SPATA18: variants seen among roughly 807,000 people sequenced by gnomAD.
The protein encoded by SPATA18 is spermatogenesis associated 18, also known as mitochondria-eating protein.
In SPATA18, 54 loss-of-function variants were observed where a neutral mutation model predicts 68.1. That is an observed-to-expected ratio of 0.79 (90% CI 0.64 to 0.99). The LOEUF is 0.99. Among genes scored for constraint, SPATA18 ranks in the 50% least tolerant of loss-of-function variants. The pLI is 0.00. For missense variants in SPATA18, 724 were observed against 681.1 expected, an observed-to-expected ratio of 1.06 and a Z score of -0.70; for synonymous variants, 242 against 244.8, an observed-to-expected ratio of 0.99 and a Z score of 0.11.
intron 10 of SPATA18, chr4:52,082,873 C>T (rs753323356): frequency 2.8e-4 from 280 of 985,184 alleles, no homozygotes; most frequent in Non-Finnish European, 3.1e-4. Context: ...TCTCAGGAAA[C>T]GATTTGCCAA....
At chr4:52,092,678 T>C (rs1184621567) in intron 11 of SPATA18, among the ~76,000 whole-genome samples, 1 of 152,206 alleles carries the variant, frequency 6.6e-6, no homozygotes, top group Non-Finnish European at 1.5e-5. Flanking sequence ...TACTCCCCCT[T>C]ACGGACTTTA....
intron 10 of SPATA18, among the ~76,000 whole-genome samples, chr4:52,084,451 T>A (rs1007167803): frequency 6.6e-6 from 1 of 152,210 alleles, no homozygotes; most frequent in African/African-American, 2.4e-5. Flanking sequence ...TTCATTTAGT[T>A]AGAAAGCAGA....
rs1238233204 is a variant in SPATA18 at position 52,069,837 on chromosome 4, A to G, written c.439A>G (p.Lys147Glu). ...QVQDDLVETE[K>E]NLEESKNRSA... Reference sequence around the variant, plus strand: ...ATCTTACAGTCTGGTTGAAACTGAAAAGAATCTTGAAGAAAGCAAGAACAG... The same window carrying G: ...ATCTTACAGTCTGGTTGAAACTGAAGAGAATCTTGAAGAAAGCAAGAACAG... The change falls in exon 5 of 13, where the codon AAG becomes GAG. Residue 147 changes from lysine (K) to glutamate (E), a missense_variant. Coordinates refer to ENST00000295213, the MANE Select transcript of SPATA18 (RefSeq NM_145263.4). 6.3e-7 allele frequency: 1 copy of G among 1,585,406 alleles called. No homozygotes were observed. Among genetic ancestry groups the G allele is most frequent in the South Asian group, 1.2e-5 (1 of 86,514 alleles).
chr4:52,092,691 G>T (rs773024858), intron 11 of SPATA18, among the ~76,000 whole-genome samples: 1 of 152,178 alleles, frequency 6.6e-6, no homozygotes, highest in Non-Finnish European at 1.5e-5. Flanking sequence ...GGACTTTAAT[G>T]AGCATCTATT....
At chr4:52,063,794 T>C (rs1739088801) in intron 4 of SPATA18, among the ~76,000 whole-genome samples, 1 of 152,176 alleles carries the variant, frequency 6.6e-6, no homozygotes, top group African/African-American at 2.4e-5. Flanking sequence ...TAATTTCATG[T>C]AGGCACTAGT....
intron 4 of SPATA18, among the ~76,000 whole-genome samples, chr4:52,065,360 C>A (rs1189694590): frequency 2.0e-5 from 3 of 152,050 alleles, no homozygotes; most frequent in African/African-American, 4.8e-5. Context: ...GGCATGAATT[C>A]TTTGCCTAAA....
intron 11 of SPATA18, among the ~76,000 whole-genome samples, chr4:52,091,239 C>T (rs1741918556): frequency 6.6e-6 from 1 of 152,006 alleles, no homozygotes; most frequent in South Asian, 2.1e-4. Flanking sequence ...GAACATACTC[C>T]TTTAGCTTGG....
At chr4:52,055,323 C>T (rs1738245802) in intron 1 of SPATA18, among the ~76,000 whole-genome samples, 1 of 152,206 alleles carries the variant, frequency 6.6e-6, no homozygotes, top group Non-Finnish European at 1.5e-5. Context: ...TTCATGCCCA[C>T]TTCCAATCCA....
intron 10 of SPATA18, among the ~76,000 whole-genome samples, chr4:52,084,182 T>C (rs1007484030): frequency 5.9e-5 from 9 of 152,182 alleles, no homozygotes; most frequent in Middle Eastern, 3.2e-3. Context: ...GAAGATCTTA[T>C]CTGTTGCGCA....
chr4:52,070,886 G>T (rs1268562848), intron 5 of SPATA18, among the ~76,000 whole-genome samples: 5 of 151,750 alleles, frequency 3.3e-5, no homozygotes, highest in Non-Finnish European at 7.4e-5. Context: ...TAAGTGGGGG[G>T]GGGGGTGTTT....
Position 52,062,225 on chromosome 4 carries a change from G to A in SPATA18, c.315G>A (p.Thr105=), listed in dbSNP as rs773931359. 24 of 1,503,024 alleles carry A rather than the reference G, an allele frequency of 1.6e-5. No individual in the cohort carries two copies. The East Asian group carries it at 2.8e-4, about 18-fold the overall frequency. The allele number at this position is 1,503,024 out of a possible 1,614,324, so 93.1% of individuals were successfully genotyped here. ...TTTTTGGTGTATCTTTCCAGGACAC[G>A]TTTGATAGGGAGAGACATAAAGATC... is the stretch of plus-strand genomic sequence containing the variant. ...VDSKVPSLQD[T]FDRERHKDPS... Residue 105 remains threonine, a synonymous_variant, in exon 4 of 13, where the codon ACG becomes ACA. Coordinates refer to ENST00000295213, the MANE Select transcript of SPATA18 (RefSeq NM_145263.4).
intron 1 of SPATA18, among the ~76,000 whole-genome samples, chr4:52,060,028 G>A (rs1738689746): frequency 6.6e-6 from 1 of 152,186 alleles, no homozygotes; most frequent in Admixed American, 6.5e-5. Context: ...CAAGCATTCA[G>A]TCAGCAGCCT....
At position 52,071,480 on chromosome 4, in the gene SPATA18, A is replaced by G. The variant is rs540236040; in HGVS notation, c.519-437A>G. On this transcript the variant is annotated intron_variant, in intron 5 of 12. Transcript: ENST00000295213. ...ATTCTAATTAATATTAAATATTCCA[A>G]TTAATATGTTAAAAATAGAGTTGAG... is the stretch of plus-strand genomic sequence containing the variant. Among the ~76,000 whole-genome samples the G allele has an allele frequency of 2.8e-4, 42 of 152,346 alleles. 1 individual carries two copies. The South Asian group carries it at 8.3e-3, about 30-fold the overall frequency.
chr4:52,071,654 G>C (rs1202807307), intron 5 of SPATA18, among the ~76,000 whole-genome samples: 1 of 152,084 alleles, frequency 6.6e-6, no homozygotes, highest in Non-Finnish European at 1.5e-5. Context: ...TTTGCTAGAG[G>C]ATCTGCATGA....
Position 52,094,621 on chromosome 4 carries a change from CCTT to C in SPATA18, c.1609+52_1609+54del, listed in dbSNP as rs764749366. On this transcript the variant is annotated intron_variant, in intron 12 of 12. Transcript: ENST00000295213. ...ATCAAATTTTCTGCTTTTTAATACTCCTTCTAGTACTTAGCACTGAGCAGCAAA... is the reference window on the plus strand; with the variant it reads ...ATCAAATTTTCTGCTTTTTAATACTCCTAGTACTTAGCACTGAGCAGCAAA... 3 of 1,558,352 alleles carry C rather than the reference CCTT, an allele frequency of 1.9e-6. No homozygotes were observed. The East Asian group carries it at 6.7e-5, about 35-fold the overall frequency.
rs759332144 is a variant in SPATA18, at chr4:52,095,125, A to T, written c.*238A>T. On this transcript the variant is annotated 3_prime_UTR_variant, in exon 13 of 13. Coordinates refer to ENST00000295213, the MANE Select transcript of SPATA18 (RefSeq NM_145263.4). ...CCATTAATTTCATAAAAATGATTGT[A>T]TAGGCATTTAGGATCATATTCATTC... 2 of 563,010 alleles carry T rather than the reference A, an allele frequency of 3.6e-6. No individual in the cohort carries two copies. The highest frequency in any genetic ancestry group is 6.2e-6 in the Non-Finnish European group (2 of 320,606). The allele number at this position is 563,010 out of a possible 1,614,324, so 34.9% of individuals were successfully genotyped here.
chr4:52,085,025 C>A (rs746031517), intron 11 of SPATA18, 26 bp downstream of exon 11: 2 of 1,537,432 alleles, frequency 1.3e-6, no homozygotes, highest in Non-Finnish European at 1.8e-6. Context: ...ATCATTTTTA[C>A]ACAAAATTCA....
intron 1 of SPATA18, among the ~76,000 whole-genome samples, chr4:52,056,198 T>C (rs915477979): frequency 4.3e-4 from 65 of 152,256 alleles, no homozygotes; most frequent in African/African-American, 1.3e-3. Flanking sequence ...ATGTGGCTTC[T>C]GCACTCTCCC....
At chr4:52,087,681 T>C (rs1194912239) in intron 11 of SPATA18, among the ~76,000 whole-genome samples, 1 of 152,160 alleles carries the variant, frequency 6.6e-6, no homozygotes, top group East Asian at 1.9e-4. Flanking sequence ...AGCCTTGTAG[T>C]ATAGTTTGAA....
Sources: gnomAD v4.1 joint callset for allele counts (sites outside exome capture counted in the v4.1 genomes callset) on GRCh38, gnomAD v4.1.1 for gene constraint, MANE v1.5 for transcripts, NCBI Gene and HGNC (gene_info 2026-07-23, HGNC 2026-07-21) for gene names.